MIPOL1: variants seen among roughly 807,000 people sequenced by gnomAD.
MIPOL1 encodes mirror-image polydactyly 1.
MIPOL1 carries 57 observed loss-of-function variants against 60.9 expected under a neutral mutation model. The ratio of observed to expected loss-of-function variants is 0.94; its 90% CI spans 0.76 to 1.17. The LOEUF (loss-of-function observed/expected upper bound fraction) is 1.17, where lower values mean the gene tolerates loss of function less well. MIPOL1 is among the 50% of genes most tolerant of loss of function. MIPOL1 has a pLI of 0.00. For synonymous variants in MIPOL1, 179 were observed against 168.8 expected (o/e 1.06, Z -0.47); for missense variants, 551 against 511.6 (o/e 1.08, Z -0.74).
At chr14:37,457,109 A>T (rs536176155) in intron 11 of MIPOL1, among the ~76,000 whole-genome samples, 2 of 152,204 alleles carry the variant, frequency 1.3e-5, no homozygotes, top group African/African-American at 4.8e-5. Flanking sequence ...AGCATTTGTT[A>T]TAAAGAATTG....
chr14:37,426,594 T>TATATATATATATATATATATATAC (rs1447990257), intron 11 of MIPOL1, among the ~76,000 whole-genome samples: 26 of 125,402 alleles, frequency 2.1e-4, no homozygotes, highest in South Asian at 2.5e-4. Context: ...TATATATATA[T>TATATATATATATATATATATATAC]ACACACACAC....
intron 3 of MIPOL1, among the ~76,000 whole-genome samples, chr14:37,250,667 A>C (rs983682720): frequency 6.6e-6 from 1 of 152,218 alleles, no homozygotes; most frequent in South Asian, 2.1e-4. Context: ...GGCAGGGTTC[A>C]TGGGATTTAT....
intron 9 of MIPOL1, among the ~76,000 whole-genome samples, chr14:37,342,008 T>C (rs1022637116): frequency 1.3e-5 from 2 of 152,172 alleles, no homozygotes; most frequent in Admixed American, 6.5e-5. Context: ...AATACATATA[T>C]TTGGAACAGG....
intron 12 of MIPOL1, among the ~76,000 whole-genome samples, chr14:37,531,503 T>C (rs1002479977): frequency 1.3e-5 from 2 of 152,144 alleles, no homozygotes; most frequent in African/African-American, 2.4e-5. Context: ...TATATACTTA[T>C]AAGCTAATAA....
chr14:37,492,800 A>T (rs565984535), intron 11 of MIPOL1, among the ~76,000 whole-genome samples: 1 of 152,216 alleles, frequency 6.6e-6, no homozygotes, highest in South Asian at 2.1e-4. Context: ...TGTTGTAGGA[A>T]TCTATCCTCT....
chr14:37,385,095 A>G (rs12434053), intron 10 of MIPOL1, among the ~76,000 whole-genome samples: 147,361 of 152,106 alleles, frequency 0.97, 71,457 homozygotes, highest in East Asian at 1. Context: ...TGTAAAAACT[A>G]TACGATAGAA....
rs557214516 is a variant in MIPOL1, at chr14:37,280,753, G to A, written c.494-4565G>A. Among the ~76,000 whole-genome samples, 15 of 152,242 alleles carry A rather than the reference G, an allele frequency of 9.9e-5. No homozygotes were observed. The South Asian group carries it at 3.1e-3, about 32-fold the overall frequency. ...GGCTCACTGCAACCTCCACCTCCTG[G>A]GTTCAAGTGATTCTCATGCCTCAGC... On this transcript the variant is annotated intron_variant, in intron 6 of 12. Transcript: ENST00000684589.
At chr14:37,213,421 A>G (rs1327411383) in intron 1 of MIPOL1, among the ~76,000 whole-genome samples, 4 of 152,228 alleles carry the variant, frequency 2.6e-5, no homozygotes, top group Non-Finnish European at 5.9e-5. Context: ...AATGCAATTG[A>G]CATACTGAAG....
chr14:37,272,441 A>G (rs1391962788), intron 6 of MIPOL1, among the ~76,000 whole-genome samples: 1 of 151,682 alleles, frequency 6.6e-6, no homozygotes, highest in Non-Finnish European at 1.5e-5. Context: ...TTAAAACAAC[A>G]AAAAATTTGG....
chr14:37,357,882 C>T (rs995667783), intron 9 of MIPOL1, among the ~76,000 whole-genome samples: 2 of 151,848 alleles, frequency 1.3e-5, no homozygotes, highest in African/African-American at 4.8e-5. Flanking sequence ...GGTACATGTG[C>T]ACAATGTGCA....
intron 9 of MIPOL1, among the ~76,000 whole-genome samples, chr14:37,322,505 T>G (rs538442902): frequency 3.9e-4 from 60 of 152,196 alleles, no homozygotes; most frequent in Non-Finnish European, 7.8e-4. Flanking sequence ...AATGTATCTT[T>G]TTTTAAAACT....
intron 11 of MIPOL1, among the ~76,000 whole-genome samples, chr14:37,497,554 T>G (rs112783803): frequency 0.018 from 2,744 of 152,254 alleles, 80 homozygotes; most frequent in African/African-American, 0.062. Context: ...AAAGACAGCA[T>G]TAAGAGTCAG....
chr14:37,479,083 T>A (rs1299302633), intron 11 of MIPOL1, among the ~76,000 whole-genome samples: 3 of 151,792 alleles, frequency 2.0e-5, no homozygotes, highest in Non-Finnish European at 4.4e-5. Context: ...ACCACTTTAT[T>A]TTTTTTTGTT....
intron 12 of MIPOL1, among the ~76,000 whole-genome samples, chr14:37,510,016 A>C (rs559946411): frequency 6.4e-4 from 97 of 151,964 alleles, no homozygotes; most frequent in African/African-American, 2.3e-3. Flanking sequence ...TTATATATGT[A>C]TATATACACG....
chr14:37,335,335 TTCGC>T (rs1311254343), intron 9 of MIPOL1, among the ~76,000 whole-genome samples: 3 of 152,076 alleles, frequency 2.0e-5, no homozygotes, highest in Admixed American at 2.0e-4. Flanking sequence ...TTCAGTAGTG[TTCGC>T]ATCACCATCC....
At chr14:37,482,340 A>G (rs1430255981) in intron 11 of MIPOL1, among the ~76,000 whole-genome samples, 1 of 152,210 alleles carries the variant, frequency 6.6e-6, no homozygotes, top group Non-Finnish European at 1.5e-5. Context: ...ATTGCTAATT[A>G]TAGGGAAATG....
chr14:37,465,664 A>G (rs561121221), intron 11 of MIPOL1, among the ~76,000 whole-genome samples: 1 of 152,242 alleles, frequency 6.6e-6, no homozygotes, highest in Admixed American at 6.5e-5. Context: ...AACTTATTTC[A>G]TACTTAGGAA....
At chr14:37,446,818 G>T (rs142181844) in intron 11 of MIPOL1, among the ~76,000 whole-genome samples, 4 of 151,458 alleles carry the variant, frequency 2.6e-5, no homozygotes, top group African/African-American at 9.7e-5. Context: ...GCAAACTATT[G>T]CAAGGACAAA....
rs80349526 is a variant in MIPOL1 at position 37,450,892 on chromosome 14, G to A, written c.1031+27943G>A. On this transcript the variant is annotated intron_variant, in intron 11 of 12. Coordinates refer to ENST00000684589, the MANE Select transcript of MIPOL1 (RefSeq NM_001388067.1). ...TCCACTTCCTCATTGTTTTTAAGTA[G>A]CATTTCATTTTCTAGCATAGAAATA... Among the ~76,000 whole-genome samples, 902 of 151,908 alleles carry A rather than the reference G, an allele frequency of 5.9e-3. 5 individuals carry two copies. The highest frequency in any genetic ancestry group is 0.019 in the African/African-American group (807 of 41,446).
Sources: gnomAD v4.1 joint callset for allele counts (sites outside exome capture counted in the v4.1 genomes callset) on GRCh38, gnomAD v4.1.1 for gene constraint, MANE v1.5 for transcripts, NCBI Gene and HGNC (gene_info 2026-07-23, HGNC 2026-07-21) for gene names.